Variants in WDR31 observed in about 807,000 individuals in gnomAD.
WDR31 encodes the protein WD repeat-containing protein 31.
WDR31 carries 30 observed loss-of-function variants against 47.3 expected under a neutral mutation model. That is an observed-to-expected ratio of 0.63 (90% CI 0.47 to 0.86). The LOEUF (loss-of-function observed/expected upper bound fraction) is 0.86, where lower values mean the gene tolerates loss of function less well. Ranked by LOEUF, WDR31 falls within the 40% of genes least tolerant of loss-of-function variation. The pLI is 0.00. For synonymous variants in WDR31, 137 were observed against 159.4 expected (o/e 0.86, Z 1.06); for missense variants, 406 against 442.9 (o/e 0.92, Z 0.75).
chr9:113,337,633 G>C (rs1833745862), intron 1 of WDR31, among the ~76,000 whole-genome samples: 1 of 151,854 alleles, frequency 6.6e-6, no homozygotes, highest in Admixed American at 6.6e-5. Flanking sequence ...GCCCAGCTAA[G>C]TTTTGTATTT....
At chr9:113,325,739 A>C (rs1588044409) in intron 5 of WDR31, among the ~76,000 whole-genome samples, 1 of 151,924 alleles carries the variant, frequency 6.6e-6, no homozygotes, top group East Asian at 1.9e-4. Flanking sequence ...TATACATATA[A>C]ATTTTTAAAA....
intron 4 of WDR31, among the ~76,000 whole-genome samples, chr9:113,329,191 C>G (rs1833540786): frequency 6.6e-6 from 1 of 152,216 alleles, no homozygotes; most frequent in Non-Finnish European, 1.5e-5. Flanking sequence ...GACCACTGCT[C>G]TAAACTTACT....
intron 5 of WDR31, 131 bp downstream of exon 5, chr9:113,328,750 A>G: frequency 1.3e-6 from 1 of 750,538 alleles, no homozygotes; most frequent in South Asian, 1.8e-5. Context: ...CTGAAGTAGG[A>G]TTTCACAGCA....
At chr9:113,338,238 G>A (rs1833758609) in intron 1 of WDR31, among the ~76,000 whole-genome samples, 1 of 152,078 alleles carries the variant, frequency 6.6e-6, no homozygotes, top group Non-Finnish European at 1.5e-5. Context: ...ACATACAAAC[G>A]GATATATGAA....
At chr9:113,320,185 A>T (rs889827466) in intron 9 of WDR31, among the ~76,000 whole-genome samples, 172 bp downstream of exon 9, 1 of 152,178 alleles carries the variant, frequency 6.6e-6, no homozygotes, top group Non-Finnish European at 1.5e-5. Flanking sequence ...CTCCCCTATG[A>T]ATGTTTCTTA....
At chr9:113,339,935 G>A (rs1273434462) in intron 1 of WDR31, among the ~76,000 whole-genome samples, 2 of 152,116 alleles carry the variant, frequency 1.3e-5, no homozygotes, top group Non-Finnish European at 2.9e-5. Flanking sequence ...GGGTTTCACT[G>A]TGTTGCCCAG....
At chr9:113,334,541 T>C (rs530132193) in intron 2 of WDR31, among the ~76,000 whole-genome samples, 1 of 151,826 alleles carries the variant, frequency 6.6e-6, no homozygotes, top group East Asian at 1.9e-4. Context: ...AATTTACTTA[T>C]TTATTTTATT....
intron 10 of WDR31, among the ~76,000 whole-genome samples, chr9:113,317,619 A>G (rs1833236081): frequency 6.6e-6 from 1 of 152,242 alleles, no homozygotes; most frequent in Non-Finnish European, 1.5e-5. Flanking sequence ...CAGAATGCCC[A>G]CAAGACATGG....
chr9:113,323,012 T>C lies in WDR31; in HGVS notation c.468A>G (p.Pro156=). ...AMVVTGLAVS[P]DSSQLCTGSR... ...GGGAAGAGGTCCGCTTTGTTTTACC[T>C]GGACTCACAGCCAATCCGGTGACCA... The change falls in exon 6 of 11, where the codon CCA becomes CCG. Residue 156 remains proline (P), a splice_region_variant and synonymous_variant. Transcript: ENST00000374193. 1 of 1,614,044 alleles carries C rather than the reference T, an allele frequency of 6.2e-7. No individual in the cohort carries two copies. The highest frequency in any genetic ancestry group is 8.5e-7 in the Non-Finnish European group (1 of 1,179,976).
intron 4 of WDR31, among the ~76,000 whole-genome samples, chr9:113,329,448 C>A (rs2118831551): frequency 6.6e-6 from 1 of 151,282 alleles, no homozygotes; most frequent in South Asian, 2.1e-4. Context: ...TGAGACCAGA[C>A]TGACCAACAT....
chr9:113,329,650 A>C (rs1833551044), intron 4 of WDR31, among the ~76,000 whole-genome samples: 1 of 151,038 alleles, frequency 6.6e-6, no homozygotes. Context: ...ACTTCGATGC[A>C]TCCTGATTTC....
Position 113,321,677 on chromosome 9 carries a change from A to G in WDR31, c.571-99T>C. ...AACTAGCATCACTGTGCCTCTTCTC[A>G]AGGATTCTGAACTAGCAAATTCATT... is the stretch of plus-strand genomic sequence containing the variant. On this transcript the variant is annotated intron_variant, in intron 7 of 10. Coordinates refer to ENST00000374193, the MANE Select transcript of WDR31 (RefSeq NM_001012361.4). 6.0e-6 allele frequency: 7 copies of G among 1,162,474 alleles called. No homozygotes were observed. In the South Asian group the frequency reaches 9.8e-5, roughly 16 times the overall value. The allele number at this position is 1,162,474 out of a possible 1,614,324, so 72.0% of individuals were successfully genotyped here. A position where few individuals can be genotyped will look rare whatever the true frequency, so the allele number is the denominator to read the frequency against.
rs911648358 is a variant in WDR31 at position 113,318,691 on chromosome 9, G to T, written c.781-54C>A. ...TAGTCACTTGTCTAGCTTCATCCAT[G>T]AATATCTATCTCCCCCTACCCCCAT... On this transcript the variant is annotated intron_variant, in intron 9 of 10. Coordinates refer to ENST00000374193, the MANE Select transcript of WDR31 (RefSeq NM_001012361.4). The T allele has an allele frequency of 1.5e-5, 24 of 1,590,626 alleles. No individual in the cohort carries two copies. The African/African-American group carries it at 3.0e-4, about 20-fold the overall frequency.
intron 9 of WDR31, 38 bp downstream of exon 9, chr9:113,320,319 T>A: frequency 1.9e-6 from 3 of 1,609,796 alleles, no homozygotes; most frequent in Non-Finnish European, 2.5e-6. Flanking sequence ...GATCTGTTCA[T>A]CAGCAACCAG....
rs765900217 is a variant in WDR31, at chr9:113,322,813, C to T, written c.568G>A (p.Val190Met). 4.3e-6 allele frequency: 7 copies of T among 1,613,900 alleles called. No individual in the cohort carries two copies. The highest frequency in any genetic ancestry group is 3.3e-5 in the Admixed American group (2 of 59,984). Residue 190 changes from valine to methionine, a missense_variant and splice_region_variant, in exon 7 of 11, where the codon GTG (valine) becomes ATG (methionine). Val to Met is a conservative substitution (Grantham distance 21). Transcript: ENST00000374193. ...CTGTACCAAGTTTGAGTTCATACCA[C>T]GTTCCTGGAGACAGATGCTCTTTCC... ...SVERASVSRN[V>M]VTHLCWVPRE...
intron 9 of WDR31, among the ~76,000 whole-genome samples, chr9:113,319,064 G>T (rs1294194570): frequency 6.6e-6 from 1 of 152,160 alleles, no homozygotes; most frequent in Non-Finnish European, 1.5e-5. Flanking sequence ...TGGGGACCCC[G>T]TAGTTAGAAG....
intron 9 of WDR31, 86 bp downstream of exon 9, chr9:113,320,271 C>T: frequency 2.6e-6 from 4 of 1,516,462 alleles, no homozygotes; most frequent in Non-Finnish European, 3.6e-6. Flanking sequence ...CAAAGCCCGC[C>T]TGTGTAGCAC....
At chr9:113,335,061 A>C (rs1833688618) in intron 2 of WDR31, among the ~76,000 whole-genome samples, 1 of 152,202 alleles carries the variant, frequency 6.6e-6, no homozygotes, top group South Asian at 2.1e-4. Flanking sequence ...GAATTTAAAT[A>C]ATGTTAATAT....
chr9:113,332,292 G>A (rs780446775), intron 2 of WDR31, among the ~76,000 whole-genome samples: 3 of 152,136 alleles, frequency 2.0e-5, no homozygotes, highest in Non-Finnish European at 4.4e-5. Context: ...TTCTAATCCT[G>A]GGTTTAAGGC....
Sources: allele counts gnomAD v4.1 joint callset (sites outside exome capture counted in the v4.1 genomes callset), GRCh38; gene constraint gnomAD v4.1.1; transcripts MANE v1.5; gene names NCBI Gene and HGNC (gene_info 2026-07-23, HGNC 2026-07-21).